The following DNAJC10 variants were observed in gnomAD, a reference collection of about 807,000 sequenced individuals.
The protein encoded by DNAJC10 is endoplasmic reticulum disulfide reductase DNAJC10.
DNAJC10 carries 101 observed loss-of-function variants against 115.0 expected under a neutral mutation model. That is an observed-to-expected ratio of 0.88 (90% CI 0.75 to 1.04). DNAJC10 has a LOEUF of 1.04. Ranked by LOEUF, DNAJC10 falls within the 50% of genes least tolerant of loss-of-function variation. The pLI is 0.00. For synonymous variants in DNAJC10, 307 were observed against 301.5 expected, an observed-to-expected ratio of 1.02 and a Z score of -0.19; for missense variants, 981 against 928.8, an observed-to-expected ratio of 1.06 and a Z score of -0.73.
intron 9 of DNAJC10, among the ~76,000 whole-genome samples, chr2:182,731,382 A>G (rs1693443377): frequency 6.6e-6 from 1 of 152,136 alleles, no homozygotes; most frequent in Admixed American, 6.6e-5. Flanking sequence ...ATAGCCACAG[A>G]TGTTATTTGA....
intron 5 of DNAJC10, among the ~76,000 whole-genome samples, chr2:182,727,906 T>G (rs924665841): frequency 6.6e-6 from 1 of 152,232 alleles, no homozygotes; most frequent in African/African-American, 2.4e-5. Flanking sequence ...ATATAAAATG[T>G]ACTATTGGCT....
At position 182,793,820 on chromosome 2, in the gene DNAJC10, T is replaced by TCACACACACACACACACACACA. The variant is rs4018698; in HGVS notation, c.*16712_*16733dup. The TCACACACACACACACACACACA allele has an allele frequency of 2.3e-4, 31 of 135,636 alleles. No individual in the cohort carries two copies. The highest frequency in any genetic ancestry group is 8.4e-4 in the African/African-American group (29 of 34,424). The allele number at this position is 135,636 out of a possible 1,614,324, so 8.4% of individuals were successfully genotyped here. A position where few individuals can be genotyped will look rare whatever the true frequency, so the allele number is the denominator to read the frequency against. On this transcript the variant is annotated 3_prime_UTR_variant, in exon 24 of 24. Transcript: ENST00000264065. ...TAAAATTTTCCAGAGAGGAAACACATCACACACACACACACACACACACAC... is the reference window on the plus strand; with the variant it reads ...TAAAATTTTCCAGAGAGGAAACACATCACACACACACACACACACACACACACACACACACACACACACACAC...
chr2:182,759,005 A>C, intron 20 of DNAJC10, 115 bp downstream of exon 20: 1 of 1,070,014 alleles, frequency 9.3e-7, no homozygotes, highest in Non-Finnish European at 1.4e-6. Flanking sequence ...TAAATTACTT[A>C]GTAAAGTATT....
chr2:182,745,760 C>A (rs1374575813), intron 14 of DNAJC10, among the ~76,000 whole-genome samples: 3 of 147,626 alleles, frequency 2.0e-5, no homozygotes, highest in African/African-American at 7.5e-5. Flanking sequence ...TATTATACTT[C>A]AAGTTTTAGG....
intron 22 of DNAJC10, among the ~76,000 whole-genome samples, chr2:182,772,468 C>T (rs889054381): frequency 1.3e-5 from 2 of 152,154 alleles, no homozygotes; most frequent in Non-Finnish European, 2.9e-5. Context: ...TTGTAGGTTT[C>T]TAAGGACTTA....
rs1168819687 is a variant in DNAJC10, at chr2:182,794,017, T to C, written c.*16885T>C. On this transcript the variant is annotated 3_prime_UTR_variant, in exon 24 of 24. Transcript: ENST00000264065. The stretch of plus-strand genomic sequence containing the variant: ...AGACTAACAAGTAGCAGGCAGATGA[T>C]AAATATATTTTTAGGTGGTTAGGTG... The C allele has an allele frequency of 1.3e-5, 2 of 152,132 alleles. No individual in the cohort carries two copies. The highest frequency in any genetic ancestry group is 1.9e-4 in the East Asian group (1 of 5,194). 9.4% of individuals were successfully genotyped at this position (152,132 alleles called of 1,614,324 possible). A position where few individuals can be genotyped will look rare whatever the true frequency, so the allele number is the denominator to read the frequency against.
At chr2:182,725,044 C>T (rs886777107) in intron 5 of DNAJC10, among the ~76,000 whole-genome samples, 6 of 152,116 alleles carry the variant, frequency 3.9e-5, no homozygotes, top group African/African-American at 9.7e-5. Flanking sequence ...AGCATGTGCT[C>T]ATTTCATGTC....
chr2:182,753,229 T>C (rs1694069782), intron 16 of DNAJC10, among the ~76,000 whole-genome samples: 1 of 152,136 alleles, frequency 6.6e-6, no homozygotes, highest in Admixed American at 6.5e-5. Context: ...TGTAGCTATA[T>C]GAATACGCGA....
chr2:182,733,336 G>A (rs561365641), intron 10 of DNAJC10, among the ~76,000 whole-genome samples: 4 of 151,808 alleles, frequency 2.6e-5, no homozygotes, highest in East Asian at 3.9e-4. Context: ...CACTAACTTA[G>A]TATGCTTTTG....
At chr2:182,737,760 G>GT (rs1184917273) in intron 11 of DNAJC10, among the ~76,000 whole-genome samples, 1 of 152,094 alleles carries the variant, frequency 6.6e-6, no homozygotes, top group Non-Finnish European at 1.5e-5. Flanking sequence ...GCTTCATCCA[G>GT]TTTTTTCCCA....
chr2:182,750,526 C>T (rs1005616418), intron 14 of DNAJC10, among the ~76,000 whole-genome samples: 1 of 152,112 alleles, frequency 6.6e-6, no homozygotes, highest in Non-Finnish European at 1.5e-5. Flanking sequence ...AATATATTGC[C>T]ATGTGTCAAC....
In DNAJC10 at chr2:182,789,088, C is replaced by A; in HGVS notation, c.*11956C>A. On this transcript the variant is annotated 3_prime_UTR_variant, in exon 24 of 24. Transcript: ENST00000264065. Reference sequence around the variant, plus strand: ...TACCAATGCTGCTAGACCCTGACAACCACCACCCTACTTTCTATCAATATG... The same window carrying A: ...TACCAATGCTGCTAGACCCTGACAAACACCACCCTACTTTCTATCAATATG... The A allele has an allele frequency of 4.5e-6, 1 of 222,016 alleles. No homozygotes were observed. Among genetic ancestry groups the A allele is most frequent in the Non-Finnish European group, 9.0e-6 (1 of 111,028 alleles). 13.8% of individuals were successfully genotyped at this position (222,016 alleles called of 1,614,324 possible).
rs780935270 is a variant in DNAJC10, at chr2:182,718,214, C to A, written c.128C>A (p.Ser43Tyr). 9 of 1,613,074 alleles carry A rather than the reference C, an allele frequency of 5.6e-6. No individual in the cohort carries two copies. The South Asian group carries it at 6.6e-5, about 12-fold the overall frequency. ...GATTTTTACAGTTTACTTGGAGTGT[C>A]CAAAACTGCAAGCAGTAGAGAAATA... ...DQDFYSLLGV[S>Y]KTASSREIRQ... Residue 43 changes from serine to tyrosine, a missense_variant, in exon 3 of 24, where the codon TCC becomes TAC. Transcript: ENST00000264065.
chr2:182,722,111 A>G (rs1199023258), intron 5 of DNAJC10, 36 bp downstream of exon 5: 1 of 1,429,744 alleles, frequency 7.0e-7, no homozygotes, highest in Non-Finnish European at 9.6e-7. Context: ...TAAAACTAAT[A>G]CAAGTTCGAT....
At chr2:182,768,589 T>G (rs899268259) in intron 22 of DNAJC10, among the ~76,000 whole-genome samples, 4 of 152,032 alleles carry the variant, frequency 2.6e-5, no homozygotes, top group African/African-American at 7.2e-5. Flanking sequence ...TTCTAGCACA[T>G]AGTTGGGGAT....
chr2:182,768,526 G>T (rs754668045), intron 22 of DNAJC10, among the ~76,000 whole-genome samples: 1 of 152,176 alleles, frequency 6.6e-6, no homozygotes, highest in African/African-American at 2.4e-5. Context: ...GCAGAATAAT[G>T]GTTGGAGTAA....
rs1693051569 is a variant in DNAJC10, at chr2:182,718,281, T to C, written c.195T>C (p.Asp65=). 11 of 1,598,718 alleles carry C rather than the reference T, an allele frequency of 6.9e-6. No homozygotes were observed. The highest frequency in any genetic ancestry group is 9.4e-6 in the Non-Finnish European group (11 of 1,174,870). Residue 65 remains aspartate, a synonymous_variant, in exon 3 of 24, where the codon GAT becomes GAC. Coordinates refer to ENST00000264065, the MANE Select transcript of DNAJC10 (RefSeq NM_018981.4). ...FKKLALKLHP[D]KNPNNPNAHG... ...AATTGGCATTGAAGTTACATCCTGA[T>C]AAAAACCCGGTAGGTAAACGTTTGT...
At position 182,791,110 on chromosome 2, in the gene DNAJC10, C is replaced by G. The variant is rs567958167; in HGVS notation, c.*13978C>G. 2 of 152,028 alleles carry G rather than the reference C, an allele frequency of 1.3e-5. No individual in the cohort carries two copies. Among genetic ancestry groups the G allele is most frequent in the East Asian group, 3.9e-4 (2 of 5,168 alleles). The allele number at this position is 152,028 out of a possible 1,614,324, so 9.4% of individuals were successfully genotyped here. Reference sequence around the variant, plus strand: ...GATAAATACCCCCACAGAGATCGACCCTGCATGAAATGTGTTCCCTCAGAA... The same window carrying G: ...GATAAATACCCCCACAGAGATCGACGCTGCATGAAATGTGTTCCCTCAGAA... On this transcript the variant is annotated 3_prime_UTR_variant, in exon 24 of 24. Transcript: ENST00000264065.
intron 22 of DNAJC10, 134 bp downstream of exon 22, chr2:182,762,935 G>T: frequency 9.5e-7 from 1 of 1,056,134 alleles, no homozygotes; most frequent in Non-Finnish European, 1.3e-6. Context: ...ACTGATACAA[G>T]TTTTTAAAAT....
Sources: gnomAD v4.1 joint callset for allele counts (sites outside exome capture counted in the v4.1 genomes callset) on GRCh38, gnomAD v4.1.1 for gene constraint, MANE v1.5 for transcripts, NCBI Gene and HGNC (gene_info 2026-07-23, HGNC 2026-07-21) for gene names.